The following NFIA variants were observed in gnomAD, a reference collection of about 807,000 sequenced individuals.
NFIA encodes nuclear factor I A, also known as nuclear factor 1 A-type.
NFIA carries 8 observed loss-of-function variants against 62.8 expected under a neutral mutation model. The observed-to-expected ratio is 0.13, with a 90% CI of 0.07 to 0.23. The LOEUF is 0.23. Ranked by LOEUF, NFIA falls within the 10% of genes least tolerant of loss-of-function variation. The pLI, the probability that NFIA is intolerant of heterozygous loss-of-function variation, is 1.00. For missense variants in NFIA, 410 were observed against 642.1 expected, an observed-to-expected ratio of 0.64 and a Z score of 3.91; for synonymous variants, 235 against 238.1, an observed-to-expected ratio of 0.99 and a Z score of 0.12.
intron 6 of NFIA, among the ~76,000 whole-genome samples, chr1:61,370,669 A>C (rs1399949515): frequency 6.6e-6 from 1 of 152,124 alleles, no homozygotes; most frequent in Non-Finnish European, 1.5e-5. Flanking sequence ...GTCTTTGTCA[A>C]GTGAGGAATT....
At chr1:61,265,879 C>T (rs1331016885) in intron 2 of NFIA, among the ~76,000 whole-genome samples, 2 of 152,114 alleles carry the variant, frequency 1.3e-5, no homozygotes, top group Non-Finnish European at 2.9e-5. Context: ...GGGCTATTTG[C>T]GGTCATTTAT....
intron 2 of NFIA, among the ~76,000 whole-genome samples, chr1:61,201,487 AGGTT>A (rs1652488139): frequency 6.6e-6 from 1 of 151,782 alleles, no homozygotes; most frequent in Non-Finnish European, 1.5e-5. Context: ...GTGTCTTGTC[AGGTT>A]AGATTTCTCT....
chr1:61,253,040 G>T (rs1291615659), intron 2 of NFIA, among the ~76,000 whole-genome samples: 1 of 152,186 alleles, frequency 6.6e-6, no homozygotes, highest in Non-Finnish European at 1.5e-5. Context: ...TTCTGGGATT[G>T]GTAGTTTTGA....
At chr1:61,373,413 TTCAA>T (rs1161489619) in intron 6 of NFIA, among the ~76,000 whole-genome samples, 1 of 152,156 alleles carries the variant, frequency 6.6e-6, no homozygotes, top group Non-Finnish European at 1.5e-5. Context: ...TATGAAATGT[TTCAA>T]TCAGTTTCAA....
intron 6 of NFIA, among the ~76,000 whole-genome samples, chr1:61,375,805 TAG>T: frequency 6.6e-6 from 1 of 152,192 alleles, no homozygotes; most frequent in Non-Finnish European, 1.5e-5. Flanking sequence ...CCTCTTCCTG[TAG>T]CCACTACCCT....
At chr1:61,428,309 C>T (rs1211460143) in intron 10 of NFIA, among the ~76,000 whole-genome samples, 1 of 151,558 alleles carries the variant, frequency 6.6e-6, no homozygotes, top group Non-Finnish European at 1.5e-5. Flanking sequence ...AAATTCAATT[C>T]TTAAAAATCC....
upstream of NFIA, chr1:61,081,820 GC>G (rs376435385): frequency 5.6e-5 from 84 of 1,488,056 alleles, 1 homozygote; most frequent in East Asian, 1.7e-3. Flanking sequence ...AATTACCTCT[GC>G]CGACGAATCT....
chr1:61,406,519 C>G, intron 8 of NFIA, 43 bp from the exon 9 acceptor site: 1 of 1,469,134 alleles, frequency 6.8e-7, no homozygotes, highest in East Asian at 2.4e-5. Context: ...TCTCTTTCTT[C>G]TTTTTCTTGT....
chr1:61,383,509 G>A, intron 7 of NFIA, 144 bp downstream of exon 7: 2 of 1,029,346 alleles, frequency 1.9e-6, no homozygotes, highest in East Asian at 2.7e-5. Context: ...GGCAGCCTTG[G>A]AATTTTAGAG....
Position 61,441,123 on chromosome 1 carries a change from G to A in NFIA, c.1513-14180G>A, listed in dbSNP as rs114138119. On this transcript the variant is annotated intron_variant, in intron 10 of 10. Transcript: ENST00000403491. ...TTATGAGTGAAGGAAGGGACTAATG[G>A]TTTAATATGTGGCTTAGAAAATGGG... 2.5e-3 allele frequency among the ~76,000 whole-genome samples: 381 copies of A among 152,250 alleles called. 1 individual carries two copies. The highest frequency in any genetic ancestry group is 8.8e-3 in the African/African-American group (366 of 41,536).
At chr1:61,361,548 C>G (rs1023581703) in intron 6 of NFIA, among the ~76,000 whole-genome samples, 4 of 152,152 alleles carry the variant, frequency 2.6e-5, no homozygotes, top group Non-Finnish European at 4.4e-5. Context: ...GCTCCCCCAT[C>G]ATGAGGCTGA....
chr1:61,201,204 A>T (rs1006531949), intron 2 of NFIA, among the ~76,000 whole-genome samples: 1 of 152,150 alleles, frequency 6.6e-6, no homozygotes, highest in African/African-American at 2.4e-5. Flanking sequence ...CTTTTATCCT[A>T]TCTATGGAAA....
chr1:61,302,605 T>C (rs1659551271), intron 3 of NFIA, among the ~76,000 whole-genome samples: 1 of 152,216 alleles, frequency 6.6e-6, no homozygotes, highest in Non-Finnish European at 1.5e-5. Flanking sequence ...GTAACAATTA[T>C]AATGAATGCA....
chr1:61,335,660 T>C (rs1169994492), intron 4 of NFIA, among the ~76,000 whole-genome samples: 1 of 151,870 alleles, frequency 6.6e-6, no homozygotes. Context: ...CTGGCCAACA[T>C]GGAGAAACCC....
At chr1:61,401,222 T>G (rs111445594) in intron 7 of NFIA, among the ~76,000 whole-genome samples, 158 of 152,304 alleles carry the variant, frequency 1.0e-3, no homozygotes, top group African/African-American at 3.6e-3. Flanking sequence ...AATTTGAAAC[T>G]ACAGGCTAAA....
chr1:61,105,416 C>T (rs1443237849), intron 2 of NFIA, among the ~76,000 whole-genome samples: 3 of 151,858 alleles, frequency 2.0e-5, no homozygotes, highest in Non-Finnish European at 4.4e-5. Flanking sequence ...TATTACTGAT[C>T]TCTAAACAAG....
At chr1:61,225,553 CTT>C (rs71244590) in intron 2 of NFIA, among the ~76,000 whole-genome samples, 37 of 122,534 alleles carry the variant, frequency 3.0e-4, no homozygotes, top group African/African-American at 4.0e-4. Context: ...CCAGCTCGTA[CTT>C]TTTTTTTTTT....
intron 2 of NFIA, among the ~76,000 whole-genome samples, chr1:61,108,383 G>T (rs1646640108): frequency 6.6e-6 from 1 of 151,386 alleles, no homozygotes; most frequent in Admixed American, 6.6e-5. Context: ...TTAATATTTT[G>T]TTTTTAACTC....
intron 1 of NFIA, among the ~76,000 whole-genome samples, chr1:61,085,630 CTT>C (rs1012034001): frequency 1.6e-4 from 25 of 151,736 alleles, no homozygotes; most frequent in African/African-American, 5.8e-4. Context: ...TAATGATACT[CTT>C]TAGTTTTGAT....
Sources: gnomAD v4.1 joint callset for allele counts (sites outside exome capture counted in the v4.1 genomes callset) on GRCh38, gnomAD v4.1.1 for gene constraint, MANE v1.5 for transcripts, NCBI Gene and HGNC (gene_info 2026-07-23, HGNC 2026-07-21) for gene names.